The following CCPG1 variants were observed in gnomAD, a reference collection of about 807,000 sequenced individuals.
The protein encoded by CCPG1 is cell cycle progression protein 1.
CCPG1 carries 46 observed loss-of-function variants against 81.3 expected under a neutral mutation model. The observed-to-expected ratio is 0.57, with a 90% confidence interval of 0.45 to 0.72. The LOEUF (loss-of-function observed/expected upper bound fraction) is 0.72, where lower values mean the gene tolerates loss of function less well. CCPG1 is among the 30% of genes least tolerant of loss of function. The probability of loss-of-function intolerance (pLI) is 0.00; values close to 1 mark genes in which losing one functional copy is unlikely to be tolerated. For synonymous variants in CCPG1, 330 were observed against 305.2 expected (o/e 1.08, Z -0.85); for missense variants, 902 against 937.6 (o/e 0.96, Z 0.50).
chr15:55,395,094 T>C (rs1203329018), intron 1 of CCPG1, among the ~76,000 whole-genome samples: 5 of 152,144 alleles, frequency 3.3e-5, no homozygotes, highest in African/African-American at 7.2e-5. Context: ...GTCTCTGTGA[T>C]TGGCTTTCTG....
At position 55,359,589 on chromosome 15, in the gene CCPG1, A is replaced by G. The variant is rs1369087696; in HGVS notation, c.2184T>C (p.Tyr728=). The G allele has an allele frequency of 1.2e-6, 2 of 1,613,010 alleles. No homozygotes were observed. The highest frequency in any genetic ancestry group is 2.7e-5 in the African/African-American group (2 of 74,890). The change falls in exon 8 of 9, where the codon TAT becomes TAC. Residue 728 remains tyrosine, a synonymous_variant. Transcript: ENST00000442196. The part of the protein sequence containing the change: ...NDGVFEKLDE[Y]IYRHFFGHTF... ...TGTGACCAAAGAAGTGTCTATATAT[A>G]TATTCATCCAACTTCTCAAATACTC...
intron 5 of CCPG1, among the ~76,000 whole-genome samples, chr15:55,376,082 G>A (rs910610002): frequency 1.3e-5 from 2 of 152,016 alleles, no homozygotes; most frequent in African/African-American, 2.4e-5. Context: ...ATTAAAGAAT[G>A]GTAAAATCTA....
At chr15:55,383,690 T>C (rs755243802) in intron 3 of CCPG1, among the ~76,000 whole-genome samples, 1 of 152,256 alleles carries the variant, frequency 6.6e-6, no homozygotes, top group African/African-American at 2.4e-5. Context: ...CTTGCACTTT[T>C]ATGTTACGGA....
chr15:55,406,450 G>GTTTTTTTTTTTTTTTTTTTTTTTTTT (rs751788415), intron 1 of CCPG1, among the ~76,000 whole-genome samples: 1 of 89,068 alleles, frequency 1.1e-5, no homozygotes, highest in Non-Finnish European at 2.4e-5. Context: ...TTTTTTTTTT[G>GTTTTTTTTTTTTTTTTTTTTTTTTTT]TTTTTTTTTT....
chr15:55,368,174 G>A (rs2056371001), intron 6 of CCPG1, among the ~76,000 whole-genome samples: 2 of 151,966 alleles, frequency 1.3e-5, no homozygotes, highest in African/African-American at 2.4e-5. Context: ...TTGGTATGGG[G>A]GTGCATCCTG....
intron 7 of CCPG1, among the ~76,000 whole-genome samples, chr15:55,361,388 A>G (rs1310857440): frequency 4.0e-5 from 6 of 151,864 alleles, no homozygotes; most frequent in African/African-American, 1.2e-4. Context: ...TTTCTGAATC[A>G]GGAAAAGAGA....
chr15:55,378,450 T>C (rs1202198843), intron 3 of CCPG1, 74 bp from the exon 4 acceptor site: 3 of 811,698 alleles, frequency 3.7e-6, no homozygotes, highest in Non-Finnish European at 5.9e-6. Context: ...AGCCAACATA[T>C]AATCTGGGTA....
Position 55,360,397 on chromosome 15 carries a change from T to C in CCPG1, c.1376A>G (p.Asn459Ser). The C allele has an allele frequency of 6.2e-7, 1 of 1,613,878 alleles. No individual in the cohort carries two copies. Among genetic ancestry groups the C allele is most frequent in the Non-Finnish European group, 8.5e-7 (1 of 1,180,032 alleles). ...ERLYVEAKDQNGKQGTDGKKK... is the reference protein window; with the variant it reads ...ERLYVEAKDQSGKQGTDGKKK... ...TTTTCCATCTGTTCCTTGTTTTCCA[T>C]TTTGATCTTTTGCCTCAACATACAA... The change falls in exon 8 of 9, where the codon AAT (asparagine) becomes AGT (serine). Residue 459 changes from asparagine (N) to serine (S), a missense_variant. Transcript: ENST00000442196.
At chr15:55,380,171 G>A (rs1337668101) in intron 3 of CCPG1, among the ~76,000 whole-genome samples, 2 of 150,210 alleles carry the variant, frequency 1.3e-5, no homozygotes, top group African/African-American at 2.4e-5. Context: ...ATAAATTTAT[G>A]AGCAAAGTAC....
chr15:55,386,361 A>T (rs1040006133), intron 2 of CCPG1, among the ~76,000 whole-genome samples: 1 of 152,168 alleles, frequency 6.6e-6, no homozygotes, highest in African/African-American at 2.4e-5. Context: ...CTCCTCACAC[A>T]ATTTTAGACT....
At chr15:55,398,645 G>A (rs765045501) in intron 1 of CCPG1, among the ~76,000 whole-genome samples, 8 of 151,706 alleles carry the variant, frequency 5.3e-5, no homozygotes, top group South Asian at 2.1e-4. Flanking sequence ...GCAGTGGCGC[G>A]ATCTCGGCTC....
intron 1 of CCPG1, among the ~76,000 whole-genome samples, chr15:55,392,686 T>C (rs1053620460): frequency 1.8e-4 from 27 of 152,124 alleles, no homozygotes; most frequent in Non-Finnish European, 4.0e-4. Context: ...ATGCCTAATA[T>C]TTGTATTTTT....
intron 3 of CCPG1, among the ~76,000 whole-genome samples, chr15:55,381,305 A>AT (rs1017599282): frequency 6.6e-6 from 1 of 151,508 alleles, no homozygotes; most frequent in Non-Finnish European, 1.5e-5. Context: ...ATAGCTGGGC[A>AT]TAGTGGCAGG....
At chr15:55,363,321 C>G (rs1481947621) in intron 7 of CCPG1, among the ~76,000 whole-genome samples, 2 of 151,754 alleles carry the variant, frequency 1.3e-5, no homozygotes, top group African/African-American at 4.8e-5. Flanking sequence ...TGCACTCCAG[C>G]CTGGGCAACA....
intron 5 of CCPG1, among the ~76,000 whole-genome samples, chr15:55,375,125 T>C (rs1357681564): frequency 6.6e-6 from 1 of 152,178 alleles, no homozygotes; most frequent in Admixed American, 6.6e-5. Flanking sequence ...CACAAAAATC[T>C]CAAGAAGTCA....
At chr15:55,397,174 A>C (rs2057035261) in intron 1 of CCPG1, among the ~76,000 whole-genome samples, 1 of 151,986 alleles carries the variant, frequency 6.6e-6, no homozygotes, top group Non-Finnish European at 1.5e-5. Context: ...AGATGGCGCC[A>C]CTGCACTCCA....
At chr15:55,398,945 C>A (rs1051979280) in intron 1 of CCPG1, among the ~76,000 whole-genome samples, 1 of 152,104 alleles carries the variant, frequency 6.6e-6, no homozygotes, top group African/African-American at 2.4e-5. Flanking sequence ...ATGAGCCTAT[C>A]CTCATCCGGA....
chr15:55,366,687 G>A (rs2056335396), intron 6 of CCPG1, among the ~76,000 whole-genome samples: 1 of 152,096 alleles, frequency 6.6e-6, no homozygotes, highest in African/African-American at 2.4e-5. Context: ...CAGGAGAATC[G>A]CTTAAACCCG....
intron 3 of CCPG1, among the ~76,000 whole-genome samples, chr15:55,382,132 T>C (rs1055175667): frequency 6.6e-6 from 1 of 152,218 alleles, no homozygotes; most frequent in African/African-American, 2.4e-5. Flanking sequence ...CTGACCACTG[T>C]GGTAGCTGCT....
Sources: allele counts gnomAD v4.1 joint callset (sites outside exome capture counted in the v4.1 genomes callset), GRCh38; gene constraint gnomAD v4.1.1; transcripts MANE v1.5; gene names NCBI Gene and HGNC (gene_info 2026-07-23, HGNC 2026-07-21).